Variants in IQGAP1 observed in about 807,000 individuals in gnomAD.
IQGAP1 encodes IQ motif containing GTPase activating protein 1.
In IQGAP1, 66 loss-of-function variants were observed where a neutral mutation model predicts 215.6. The ratio of observed to expected loss-of-function variants is 0.31; its 90% confidence interval spans 0.25 to 0.38. IQGAP1 has a LOEUF of 0.38. Ranked by LOEUF, IQGAP1 falls within the 10% of genes least tolerant of loss-of-function variation. The pLI is 1.00. For missense variants in IQGAP1, 1,712 were observed against 1,997.1 expected (o/e 0.86, Z 2.72); for synonymous variants, 772 against 728.7 (o/e 1.06, Z -0.96).
At chr15:90,410,653 A>G (rs1596253348) in intron 2 of IQGAP1, among the ~76,000 whole-genome samples, 1 of 126,784 alleles carries the variant, frequency 7.9e-6, no homozygotes, top group South Asian at 2.8e-4. Flanking sequence ...ACATGGACAC[A>G]GGGTGGGGAA....
At chr15:90,477,300 G>A in intron 25 of IQGAP1, 70 bp downstream of exon 25, 1 of 1,275,146 alleles carries the variant, frequency 7.8e-7, no homozygotes, top group Non-Finnish European at 1.1e-6. Flanking sequence ...TGAGATTCAT[G>A]CCTTCCTGAT....
rs1965924146 is a variant in IQGAP1, at chr15:90,472,847, T to C, written c.2186T>C (p.Ile729Thr). 1 of 1,610,146 alleles carries C rather than the reference T, an allele frequency of 6.2e-7. No homozygotes were observed. Residue 729 changes from isoleucine (I) to threonine (T), a missense_variant, in exon 19 of 38, where the codon ATC becomes ACC. By Grantham distance (89) the Ile-to-Thr change is moderately conservative (BLOSUM62 -1). Around this residue, in one of 2 missense-constraint regions of IQGAP1, gnomAD observed 1,021 missense variants for 1,074.2 expected, o/e 0.95. Coordinates refer to ENST00000268182, the MANE Select transcript of IQGAP1 (RefSeq NM_003870.4). ...QLSREEIQSS[I>T]SGVTAAYNRE... The stretch of plus-strand genomic sequence containing the variant: ...TGACCACTGCTTTTTCAGAGTTCTA[T>C]CTCTGGGGTGACTGCCGCATATAAC...
rs566123502 is a variant in IQGAP1, at chr15:90,466,262, G to A, written c.1868-7G>A. ...ACTATTCTGGTAACAGTTCTTTCCC[G>A]AAATAGTTGCCTTAGGAATCTTTGC... On this transcript the variant is annotated splice_region_variant and splice_polypyrimidine_tract_variant and intron_variant, in intron 16 of 37. Coordinates refer to ENST00000268182, the MANE Select transcript of IQGAP1 (RefSeq NM_003870.4). The A allele has an allele frequency of 8.1e-6, 13 of 1,613,804 alleles. No homozygotes were observed. The highest frequency in any genetic ancestry group is 2.7e-5 in the African/African-American group (2 of 75,004).
chr15:90,395,352 G>A (rs983955945), intron 2 of IQGAP1, among the ~76,000 whole-genome samples: 1 of 151,454 alleles, frequency 6.6e-6, no homozygotes, highest in South Asian at 2.1e-4. Flanking sequence ...ACGGAGTCTC[G>A]CTCTGTCGCC....
chr15:90,469,530 T>C (rs77853069), intron 18 of IQGAP1, among the ~76,000 whole-genome samples: 2,992 of 152,272 alleles, frequency 0.02, 76 homozygotes, highest in African/African-American at 0.064. Flanking sequence ...TGAACTCTGT[T>C]CTGGGCATTG....
chr15:90,492,244 G>A (rs983068952), intron 34 of IQGAP1, among the ~76,000 whole-genome samples: 4 of 151,986 alleles, frequency 2.6e-5, no homozygotes, highest in East Asian at 1.9e-4. Context: ...CAGGAGGATC[G>A]CTTGAGACCC....
At chr15:90,440,453 A>G (rs778961429) in intron 6 of IQGAP1, 49 bp from the exon 7 acceptor site, 11 of 1,288,406 alleles carry the variant, frequency 8.5e-6, no homozygotes, top group Non-Finnish European at 1.2e-5. Flanking sequence ...TCTCTTGGTT[A>G]TGGAAGGGTG....
rs536852225 is a variant in IQGAP1, at chr15:90,424,732, G to A, written c.156-1378G>A. ...CACAGGCCTGTAATCCCAGCAACTCGGGAGGCTGAGGCAGGAGAATTGCTT... is the reference window on the plus strand; with the variant it reads ...CACAGGCCTGTAATCCCAGCAACTCAGGAGGCTGAGGCAGGAGAATTGCTT... On this transcript the variant is annotated intron_variant, in intron 2 of 37. Coordinates refer to ENST00000268182, the MANE Select transcript of IQGAP1 (RefSeq NM_003870.4). Among the ~76,000 whole-genome samples, 139 of 152,098 alleles carry A rather than the reference G, an allele frequency of 9.1e-4. 3 individuals carry two copies. In the South Asian group the frequency reaches 0.025, roughly 27 times the overall value.
intron 26 of IQGAP1, among the ~76,000 whole-genome samples, chr15:90,480,947 C>T (rs1966049510): frequency 6.6e-6 from 1 of 152,180 alleles, no homozygotes; most frequent in Non-Finnish European, 1.5e-5. Context: ...GGATGACAGG[C>T]GTGAGCCACC....
intron 9 of IQGAP1, among the ~76,000 whole-genome samples, chr15:90,444,286 TA>T (rs768207293): frequency 0.1 from 13,026 of 127,798 alleles, 955 homozygotes; most frequent in African/African-American, 0.23. Context: ...TGTGTATATA[TA>T]TATTTTTTTT....
At chr15:90,466,538 G>A in intron 17 of IQGAP1, 102 bp downstream of exon 17, 1 of 1,117,748 alleles carries the variant, frequency 8.9e-7, no homozygotes, top group African/African-American at 1.5e-5. Flanking sequence ...AGACCTTTTA[G>A]CATAGATGTA....
chr15:90,434,330 C>G (rs1055668521), intron 5 of IQGAP1, among the ~76,000 whole-genome samples: 2 of 150,910 alleles, frequency 1.3e-5, no homozygotes, highest in Non-Finnish European at 3.0e-5. Context: ...CCCAGCTACT[C>G]GGGAGGCTGA....
chr15:90,479,067 T>C (rs1966019189), intron 26 of IQGAP1, among the ~76,000 whole-genome samples: 1 of 152,160 alleles, frequency 6.6e-6, no homozygotes, highest in South Asian at 2.1e-4. Context: ...CAGCATGGTC[T>C]GTTGTGGTTT....
chr15:90,468,756 G>A (rs189730617), intron 18 of IQGAP1, among the ~76,000 whole-genome samples: 49 of 152,150 alleles, frequency 3.2e-4, no homozygotes, highest in African/African-American at 9.9e-4. Flanking sequence ...ACTTGAGCCC[G>A]GGAGGTCAAG....
chr15:90,492,035 C>T (rs1179682963), intron 34 of IQGAP1, among the ~76,000 whole-genome samples: 3 of 152,120 alleles, frequency 2.0e-5, no homozygotes, highest in African/African-American at 7.2e-5. Context: ...AGGTCCAAAC[C>T]AGCTTTGCAA....
chr15:90,494,845 T>C lies in IQGAP1; in HGVS notation c.4751+10T>C. ...ACCTGCAAGTGAATCAGTGAGTCTT[T>C]GCTTTTTGTTTTATAAGTTGATTTT... On this transcript the variant is annotated intron_variant, in intron 36 of 37. Coordinates refer to ENST00000268182, the MANE Select transcript of IQGAP1 (RefSeq NM_003870.4). 1 of 1,586,572 alleles carries C rather than the reference T, an allele frequency of 6.3e-7. No individual in the cohort carries two copies. Among genetic ancestry groups the C allele is most frequent in the Non-Finnish European group, 8.6e-7 (1 of 1,168,248 alleles).
At chr15:90,422,103 C>T (rs916451909) in intron 2 of IQGAP1, among the ~76,000 whole-genome samples, 5 of 152,018 alleles carry the variant, frequency 3.3e-5, no homozygotes, top group East Asian at 1.9e-4. Context: ...GGTATTTCTG[C>T]GATTTTTCCC....
intron 2 of IQGAP1, among the ~76,000 whole-genome samples, chr15:90,423,264 C>T (rs557185149): frequency 6.6e-6 from 1 of 152,250 alleles, no homozygotes; most frequent in African/African-American, 2.4e-5. Context: ...GACAGGGTTT[C>T]ACTTTGTCAC....
chr15:90,390,929 A>C (rs948506226), intron 2 of IQGAP1, 56 bp downstream of exon 2: 20 of 1,078,660 alleles, frequency 1.9e-5, no homozygotes, highest in Non-Finnish European at 2.0e-5. Flanking sequence ...TAATAGTGTG[A>C]ATACAAATAA....
Sources: allele counts gnomAD v4.1 joint callset (sites outside exome capture counted in the v4.1 genomes callset), GRCh38; gene constraint gnomAD v4.1.1; regional missense constraint gnomAD v4.1.1; transcripts MANE v1.5; gene names NCBI Gene and HGNC (gene_info 2026-07-23, HGNC 2026-07-21).